Variants in PTK2 observed in about 807,000 individuals in gnomAD.
PTK2 encodes focal adhesion kinase 1.
PTK2 carries 45 observed loss-of-function variants against 150.1 expected under a neutral mutation model. That is an observed-to-expected ratio of 0.30 (90% CI 0.24 to 0.38). The LOEUF is 0.38. PTK2 is among the 10% of genes least tolerant of loss of function. The pLI is 1.00. For synonymous variants in PTK2, 432 were observed against 449.2 expected (o/e 0.96, Z 0.48); for missense variants, 919 against 1,307.3 (o/e 0.70, Z 4.58).
intron 14 of PTK2, among the ~76,000 whole-genome samples, chr8:140,766,677 A>C (rs1349841339): frequency 6.6e-6 from 1 of 152,232 alleles, no homozygotes; most frequent in East Asian, 1.9e-4. Flanking sequence ...CACTGCAACA[A>C]TCAGTAAAGG....
chr8:140,913,218 C>T (rs907834795), intron 2 of PTK2, among the ~76,000 whole-genome samples: 22 of 151,940 alleles, frequency 1.4e-4, no homozygotes, highest in Non-Finnish European at 2.9e-4. Context: ...AACTAATAAG[C>T]GAATTTATAA....
At chr8:140,948,004 G>A (rs1367233817) in intron 1 of PTK2, among the ~76,000 whole-genome samples, 1 of 151,936 alleles carries the variant, frequency 6.6e-6, no homozygotes, top group Non-Finnish European at 1.5e-5. Context: ...GTTATTTAGG[G>A]GCCCACAGAC....
chr8:140,756,723 C>T (rs2100066023), intron 16 of PTK2, among the ~76,000 whole-genome samples: 1 of 149,526 alleles, frequency 6.7e-6, no homozygotes, highest in Non-Finnish European at 1.5e-5. Context: ...GGCGCGGTGG[C>T]TCACGCCTGT....
chr8:140,984,947 C>G (rs1463355232), intron 1 of PTK2, among the ~76,000 whole-genome samples: 2 of 152,138 alleles, frequency 1.3e-5, no homozygotes, highest in African/African-American at 4.8e-5. Context: ...ACAGCTGGGA[C>G]TACTTCAGGC....
intron 26 of PTK2, among the ~76,000 whole-genome samples, chr8:140,696,361 T>C (rs1459441774): frequency 6.6e-6 from 1 of 152,116 alleles, no homozygotes; most frequent in East Asian, 1.9e-4. Flanking sequence ...AGAGTGAGCA[T>C]GTGTGAGAGT....
At chr8:140,790,678 A>G (rs999658363) in intron 13 of PTK2, among the ~76,000 whole-genome samples, 1 of 152,216 alleles carries the variant, frequency 6.6e-6, no homozygotes, top group Non-Finnish European at 1.5e-5. Flanking sequence ...TAATCTCTAT[A>G]ATAATCACAG....
At chr8:140,741,455 A>C (rs2100055621) in intron 20 of PTK2, among the ~76,000 whole-genome samples, 2 of 150,092 alleles carry the variant, frequency 1.3e-5, no homozygotes, top group South Asian at 4.2e-4. Flanking sequence ...ACTCTGTCTC[A>C]AAAAAAAAAT....
At chr8:140,735,220 C>A (rs753738593) in intron 22 of PTK2, 31 bp downstream of exon 25, 3 of 1,596,646 alleles carry the variant, frequency 1.9e-6, no homozygotes, top group African/African-American at 1.3e-5. Context: ...TCTGCCCCCA[C>A]CCCCAGGCCC....
At chr8:140,811,987 A>G (rs1349373972) in intron 10 of PTK2, among the ~76,000 whole-genome samples, 1 of 152,228 alleles carries the variant, frequency 6.6e-6, no homozygotes, top group Non-Finnish European at 1.5e-5. Context: ...CTTGGAAAAC[A>G]TGTATCAGGA....
At chr8:140,900,097 G>A (rs967073399) in intron 2 of PTK2, among the ~76,000 whole-genome samples, 1 of 152,138 alleles carries the variant, frequency 6.6e-6, no homozygotes, top group African/African-American at 2.4e-5. Flanking sequence ...TGAAAGTCCT[G>A]GCCAGAGCAA....
intron 1 of PTK2, among the ~76,000 whole-genome samples, chr8:140,999,757 T>C (rs962256162): frequency 4.6e-5 from 7 of 152,138 alleles, no homozygotes; most frequent in African/African-American, 1.7e-4. Flanking sequence ...AATATTAAGG[T>C]TGAGGCTCTG....
At chr8:140,721,355 T>G (rs926277751) in intron 22 of PTK2, among the ~76,000 whole-genome samples, 1 of 152,228 alleles carries the variant, frequency 6.6e-6, no homozygotes, top group Non-Finnish European at 1.5e-5. Flanking sequence ...GTCACTGATA[T>G]ACAATGTCTT....
chr8:140,710,639 G>A (rs2100036291), intron 23 of PTK2, among the ~76,000 whole-genome samples: 1 of 151,352 alleles, frequency 6.6e-6, no homozygotes, highest in Non-Finnish European at 1.5e-5. Flanking sequence ...CCATGGCACT[G>A]CAGCCTGGGC....
chr8:140,835,522 A>C (rs2100118200), intron 7 of PTK2, among the ~76,000 whole-genome samples: 1 of 152,220 alleles, frequency 6.6e-6, no homozygotes, highest in Non-Finnish European at 1.5e-5. Flanking sequence ...ATTATACTCA[A>C]GCTTCTTAAC....
At chr8:140,784,265 T>C (rs1197950440) in intron 14 of PTK2, among the ~76,000 whole-genome samples, 2 of 152,106 alleles carry the variant, frequency 1.3e-5, no homozygotes, top group African/African-American at 4.8e-5. Flanking sequence ...ATGACAGAGA[T>C]ACAAATGAGA....
At chr8:140,687,775 A>G (rs1314599303) in intron 26 of PTK2, among the ~76,000 whole-genome samples, 1 of 152,164 alleles carries the variant, frequency 6.6e-6, no homozygotes, top group African/African-American at 2.4e-5. Context: ...AGGGTGTAGT[A>G]GGAAGTTGGT....
At chr8:140,899,304 A>C (rs980987779) in intron 2 of PTK2, among the ~76,000 whole-genome samples, 4 of 152,226 alleles carry the variant, frequency 2.6e-5, no homozygotes, top group African/African-American at 9.6e-5. Flanking sequence ...GAGTTGACCA[A>C]GATTCCCTCG....
chr8:140,661,367 A>G (rs1022086615), intron 31 of PTK2, among the ~76,000 whole-genome samples: 2 of 152,162 alleles, frequency 1.3e-5, no homozygotes, highest in South Asian at 2.1e-4. Context: ...GAACGGACCA[A>G]CCTGAGACCT....
At chr8:140,962,132 A>G (rs547603071) in intron 1 of PTK2, among the ~76,000 whole-genome samples, 39 of 151,938 alleles carry the variant, frequency 2.6e-4, no homozygotes, top group Admixed American at 1.4e-3. Context: ...GAGACAGGGG[A>G]ATCGCTTGAA....
Sources: gnomAD v4.1 joint callset for allele counts (sites outside exome capture counted in the v4.1 genomes callset) on GRCh38, gnomAD v4.1.1 for gene constraint, MANE v1.5 for transcripts, NCBI Gene and HGNC (gene_info 2026-07-23, HGNC 2026-07-21) for gene names.